GGA2: variants seen among roughly 807,000 people sequenced by gnomAD.
GGA2 encodes the protein golgi associated, gamma adaptin ear containing, ARF binding protein 2.
A neutral mutation model predicts 79.5 loss-of-function variants in GGA2; 48 were observed. That is an observed-to-expected ratio of 0.60 (90% CI 0.48 to 0.77). The LOEUF (loss-of-function observed/expected upper bound fraction) is 0.77. Among genes scored for constraint, GGA2 ranks in the 30% least tolerant of loss-of-function variants. The probability of loss-of-function intolerance (pLI) is 0.00; values close to 1 mark genes in which losing one functional copy is unlikely to be tolerated. For missense variants in GGA2, 770 were observed against 774.0 expected, an observed-to-expected ratio of 0.99 and a Z score of 0.06; for synonymous variants, 317 against 302.0, an observed-to-expected ratio of 1.05 and a Z score of -0.51.
chr16:23,470,969 AC>A (rs1964504165), intron 14 of GGA2, among the ~76,000 whole-genome samples: 1 of 150,864 alleles, frequency 6.6e-6, no homozygotes. Context: ...AGCTGGGATT[AC>A]AGGCATGCAC....
chr16:23,474,867 A>C (rs200433147), intron 14 of GGA2, 37 bp downstream of exon 14: 1 of 1,145,040 alleles, frequency 8.7e-7, no homozygotes, highest in Non-Finnish European at 1.2e-6. Context: ...ATTCCCAGGG[A>C]AAAAAAAAAA....
rs567331871 is a variant in GGA2, at chr16:23,464,491, A to G, written c.*3099T>C. ...ACCCTGTCAGATGCTCAGATTTGCTAGAGAACTCTGGTAGTGGCAAGAACC... is the reference window on the plus strand; with the variant it reads ...ACCCTGTCAGATGCTCAGATTTGCTGGAGAACTCTGGTAGTGGCAAGAACC... On this transcript the variant is annotated 3_prime_UTR_variant, in exon 17 of 17. Transcript: ENST00000309859. The G allele has an allele frequency of 6.6e-6, 1 of 152,176 alleles. No individual in the cohort carries two copies. The highest frequency in any genetic ancestry group is 2.4e-5 in the African/African-American group (1 of 41,512). 9.4% of individuals were successfully genotyped at this position (152,176 alleles called of 1,614,324 possible).
chr16:23,495,692 A>C lies in GGA2; in HGVS notation c.176+2T>G, dbSNP rs771228903. 4 of 1,559,098 alleles carry C rather than the reference A, an allele frequency of 2.6e-6. No individual in the cohort carries two copies. The highest frequency in any genetic ancestry group is 2.7e-6 in the Non-Finnish European group (3 of 1,130,232). On this transcript the variant is annotated splice_donor_variant, in intron 2 of 16. Coordinates refer to ENST00000309859, the MANE Select transcript of GGA2 (RefSeq NM_015044.4). LOFTEE classifies it high-confidence loss of function. ...AACTATGTGTGTGAGAAGTTACCTT[A>C]CCCATTGGGGTCAGTGTTCACCTGC...
At chr16:23,510,574 G>C (rs539955137), upstream of GGA2, 4 of 387,366 alleles carry the variant, frequency 1.0e-5, no homozygotes, top group Non-Finnish European at 1.8e-5. Flanking sequence ...ACGCGGGACC[G>C]GCCGGAACAT....
intron 2 of GGA2, among the ~76,000 whole-genome samples, chr16:23,517,964 G>A (rs530963592): frequency 6.6e-6 from 1 of 151,732 alleles, no homozygotes; most frequent in Admixed American, 6.6e-5. Context: ...CCAGGCTGGA[G>A]TGCAGTGTTG....
intron 1 of GGA2, among the ~76,000 whole-genome samples, chr16:23,506,691 CG>C (rs1964976903): frequency 1.3e-5 from 2 of 152,266 alleles, no homozygotes; most frequent in Middle Eastern, 6.8e-3. Flanking sequence ...GCTCTCCGTC[CG>C]GGTGGGCCCA....
At chr16:23,487,095 C>T (rs1348294399) in intron 6 of GGA2, among the ~76,000 whole-genome samples, 2 of 151,772 alleles carry the variant, frequency 1.3e-5, no homozygotes, top group Admixed American at 1.3e-4. Context: ...AATTCTCCTG[C>T]CCCAGCCTCC....
chr16:23,469,865 A>G, intron 15 of GGA2, 131 bp downstream of exon 15: 1 of 631,196 alleles, frequency 1.6e-6, no homozygotes, highest in South Asian at 3.1e-5. Flanking sequence ...GTAAGCCATT[A>G]CATTCCCACT....
intron 1 of GGA2, among the ~76,000 whole-genome samples, chr16:23,502,711 T>A (rs1964933375): frequency 6.6e-6 from 1 of 152,160 alleles, no homozygotes; most frequent in Non-Finnish European, 1.5e-5. Flanking sequence ...CCCAGACATT[T>A]CTGGTTGTAA....
intron 14 of GGA2, 30 bp from the exon 15 acceptor site, chr16:23,470,195 A>G (rs775378268): frequency 1.3e-5 from 20 of 1,544,408 alleles, no homozygotes; most frequent in Middle Eastern, 2.3e-4. Flanking sequence ...CAGAAGGTTT[A>G]ACACCACTAC....
At chr16:23,511,725 G>T (rs1965066734), upstream of GGA2, among the ~76,000 whole-genome samples, 1 of 152,078 alleles carries the variant, frequency 6.6e-6, no homozygotes, top group Non-Finnish European at 1.5e-5. Context: ...TCCCAAAAAA[G>T]TATGTCATGA....
chr16:23,513,108 T>C (rs1359528463), upstream of GGA2, among the ~76,000 whole-genome samples: 24 of 151,902 alleles, frequency 1.6e-4, no homozygotes, highest in Non-Finnish European at 1.5e-5. Flanking sequence ...GTGACTAGAG[T>C]CTCCACATGC....
Position 23,480,721 on chromosome 16 carries a change from G to A in GGA2, c.930C>T (p.Tyr310=), listed in dbSNP as rs981563898. The A allele has an allele frequency of 3.1e-6, 5 of 1,613,150 alleles. No individual in the cohort carries two copies. The highest frequency in any genetic ancestry group is 4.2e-6 in the Non-Finnish European group (5 of 1,179,174). ...NDLLTQGVLL[Y]KQVMEGRVTF... ...TGACCCGGCCCTCCATCACCTGTTT[G>A]TACAGCAGAACTCCTTGGGTGAGGA... The change falls in exon 10 of 17, where the codon TAC becomes TAT. Residue 310 remains tyrosine (Y), a synonymous_variant. Coordinates refer to ENST00000309859, the MANE Select transcript of GGA2 (RefSeq NM_015044.4).
At chr16:23,523,811 A>C (rs1376061313), upstream of GGA2, 1 of 109,124 alleles carries the variant, frequency 9.2e-6, no homozygotes, top group Non-Finnish European at 1.9e-5. Context: ...TTCTTAGAAG[A>C]GGAACGTTGG....
chr16:23,473,830 A>C (rs956732690), intron 14 of GGA2, among the ~76,000 whole-genome samples: 1 of 152,232 alleles, frequency 6.6e-6, no homozygotes, highest in Non-Finnish European at 1.5e-5. Context: ...GAAAATTAAC[A>C]TTGAACATGT....
chr16:23,495,480 A>G, intron 2 of GGA2: 1 of 360,746 alleles, frequency 2.8e-6, no homozygotes, highest in Non-Finnish European at 5.0e-6. Context: ...TATTTTTTTG[A>G]GACAGAGTCT....
At chr16:23,481,467 G>C (rs938600874) in intron 9 of GGA2, among the ~76,000 whole-genome samples, 2 of 152,024 alleles carry the variant, frequency 1.3e-5, no homozygotes, top group Admixed American at 6.6e-5. Context: ...AATTCAGAGG[G>C]CCTATTTTCA....
At chr16:23,501,187 T>C in intron 1 of GGA2, 1 of 446,766 alleles carries the variant, frequency 2.2e-6, no homozygotes, top group Non-Finnish European at 4.5e-6. Flanking sequence ...TGTACTCTTT[T>C]TCAAGTCATA....
chr16:23,524,193 G>GACAAAAACGTGCCTGTGGTGGATC (rs1368463375), upstream of GGA2: 1 of 649,514 alleles, frequency 1.5e-6, no homozygotes, highest in Admixed American at 2.7e-5. Context: ...CCAGCCAATT[G>GACAAAAACGTGCCTGTGGTGGATC]ACAAAAACGT....
Sources: gnomAD v4.1 joint callset for allele counts (sites outside exome capture counted in the v4.1 genomes callset) on GRCh38, gnomAD v4.1.1 for gene constraint, MANE v1.5 for transcripts, NCBI Gene and HGNC (gene_info 2026-07-23, HGNC 2026-07-21) for gene names.